The following KIF2A variants were observed in gnomAD, a reference collection of about 807,000 sequenced individuals.
KIF2A encodes kinesin-like protein KIF2A.
Under a neutral mutation model 100.2 loss-of-function variants are expected in KIF2A, and 22 were observed. The observed-to-expected ratio is 0.22, with a 90% CI of 0.16 to 0.31. The LOEUF is 0.31. Among genes scored for constraint, KIF2A ranks in the 10% least tolerant of loss-of-function variants. The pLI, the probability that KIF2A is intolerant of heterozygous loss-of-function variation, is 1.00. For missense variants in KIF2A, 495 were observed against 898.7 expected, an observed-to-expected ratio of 0.55 and a Z score of 5.74; for synonymous variants, 268 against 285.9, an observed-to-expected ratio of 0.94 and a Z score of 0.63.
rs533233580 is a variant in KIF2A at position 62,389,418 on chromosome 5, G to A, written c.*3849G>A. ...GGAGATTTGCCTGAACCCAGGAGGCGGAGGTTGCAGTGAGCTGAGATTGTG... is the reference window on the plus strand; with the variant it reads ...GGAGATTTGCCTGAACCCAGGAGGCAGAGGTTGCAGTGAGCTGAGATTGTG... On this transcript the variant is annotated 3_prime_UTR_variant, in exon 21 of 21. Transcript: ENST00000407818. Among the ~76,000 whole-genome samples the A allele has an allele frequency of 2.5e-4, 37 of 146,296 alleles. 1 individual carries two copies. The highest frequency in any genetic ancestry group is 3.6e-3 in the Middle Eastern group (1 of 278).
At chr5:62,350,002 C>G (rs1747769329) in intron 3 of KIF2A, 64 bp from the exon 4 acceptor site, 1 of 1,042,072 alleles carries the variant, frequency 9.6e-7, no homozygotes, top group Admixed American at 2.9e-5. Flanking sequence ...GAAAGAAGCT[C>G]AGATCATGAT....
In KIF2A at chr5:62,385,408, G is replaced by T. The variant is rs1198891864; in HGVS notation, c.2150-76G>T. Reference sequence around the variant, plus strand: ...TGTTAGGAAATAACACAGCTGACTTGATTGAACCCATAAAGTTGTAAACTC... The same window carrying T: ...TGTTAGGAAATAACACAGCTGACTTTATTGAACCCATAAAGTTGTAAACTC... On this transcript the variant is annotated intron_variant, in intron 20 of 20. Transcript: ENST00000407818. 5 of 980,308 alleles carry T rather than the reference G, an allele frequency of 5.1e-6. No homozygotes were observed. In the East Asian group the frequency reaches 1.1e-4, roughly 21 times the overall value. 60.7% of individuals were successfully genotyped at this position (980,308 alleles called of 1,614,324 possible).
chr5:62,373,864 A>T (rs1379733639), intron 18 of KIF2A, 27 bp downstream of exon 18: 1 of 1,549,890 alleles, frequency 6.5e-7, no homozygotes, highest in Non-Finnish European at 8.9e-7. Flanking sequence ...TGTAAATGTT[A>T]TAATCTTAGT....
intron 3 of KIF2A, among the ~76,000 whole-genome samples, chr5:62,349,109 A>ATTTTT (rs957690891): frequency 2.6e-5 from 4 of 152,066 alleles, no homozygotes; most frequent in Non-Finnish European, 4.4e-5. Context: ...TACATGGATT[A>ATTTTT]TTTTTTATAT....
At chr5:62,353,936 C>T (rs575603591) in intron 6 of KIF2A, among the ~76,000 whole-genome samples, 1 of 149,368 alleles carries the variant, frequency 6.7e-6, no homozygotes, top group South Asian at 2.1e-4. Context: ...TACTCTTCTA[C>T]AGGTCTTTAC....
intron 16 of KIF2A, among the ~76,000 whole-genome samples, chr5:62,366,695 G>A (rs1741085230): frequency 6.6e-6 from 1 of 152,076 alleles, no homozygotes; most frequent in East Asian, 1.9e-4. Flanking sequence ...GCCAGGCATG[G>A]TGGTGGGTGC....
chr5:62,347,356 G>T, intron 2 of KIF2A, 132 bp downstream of exon 2: 1 of 580,568 alleles, frequency 1.7e-6, no homozygotes, highest in Admixed American at 3.3e-5. Context: ...ACTTTCAAAT[G>T]ATTAAAAATT....
Position 62,373,783 on chromosome 5 carries a change from G to T in KIF2A, c.1857G>T (p.Trp619Cys). ...AGATTGATGACTTAGAGACACAGTG[G>T]GGTGTGGGGAGTTCCCCTCAGAGAG... Reference protein sequence around the residue: ...PNQIDDLETQWGVGSSPQRDD... With the variant: ...PNQIDDLETQCGVGSSPQRDD... The change falls in exon 18 of 21, where the codon TGG becomes TGT. Residue 619 changes from tryptophan to cysteine, a missense_variant. Physicochemically the swap from Trp to Cys is radical, Grantham distance 215 (BLOSUM62 -2). Transcript: ENST00000407818. 2 of 1,612,646 alleles carry T rather than the reference G, an allele frequency of 1.2e-6. No individual in the cohort carries two copies. Among genetic ancestry groups the T allele is most frequent in the Non-Finnish European group, 1.7e-6 (2 of 1,178,676 alleles).
chr5:62,343,335 G>A (rs1381209356), intron 1 of KIF2A, among the ~76,000 whole-genome samples: 1 of 152,056 alleles, frequency 6.6e-6, no homozygotes, highest in Non-Finnish European at 1.5e-5. Context: ...ATTAGTAAAA[G>A]GCACCACTAT....
chr5:62,310,850 G>A (rs778602857), intron 1 of KIF2A, among the ~76,000 whole-genome samples: 2 of 151,748 alleles, frequency 1.3e-5, no homozygotes, highest in African/African-American at 4.8e-5. Context: ...TCTTTCTGTC[G>A]TGTAGCTAGT....
chr5:62,375,483 A>G (rs920986175), intron 18 of KIF2A, among the ~76,000 whole-genome samples: 4 of 152,220 alleles, frequency 2.6e-5, no homozygotes, highest in Non-Finnish European at 1.5e-5. Flanking sequence ...AAGATTTTAC[A>G]AGTAGTAAGT....
chr5:62,354,433 A>G (rs567068421), intron 6 of KIF2A, among the ~76,000 whole-genome samples: 4 of 152,276 alleles, frequency 2.6e-5, no homozygotes, highest in Non-Finnish European at 5.9e-5. Context: ...TGATGTATAA[A>G]AAAATGTGAC....
Position 62,366,460 on chromosome 5 carries a change from A to G in KIF2A, c.1625A>G (p.Asn542Ser). 1 of 1,574,614 alleles carries G rather than the reference A, an allele frequency of 6.4e-7. No individual in the cohort carries two copies. Among genetic ancestry groups the G allele is most frequent in the Non-Finnish European group, 8.7e-7 (1 of 1,153,612 alleles). Residue 542 changes from asparagine to serine, a missense_variant, in exon 16 of 21, where the codon AAT (asparagine) becomes AGT (serine). Physicochemically the swap from Asn to Ser is conservative, Grantham distance 46. This residue lies in a region of KIF2A where 100 missense variants were observed against 138.2 expected (regional missense o/e 0.72). Coordinates refer to ENST00000407818, the MANE Select transcript of KIF2A (RefSeq NM_001098511.3). ...PGMASCENTL[N>S]TLRYANRVKE... The stretch of plus-strand genomic sequence containing the variant: ...ATGGCATCCTGTGAAAATACTCTTA[A>G]TACATTAAGATATGCAAATAGGTAT...
At chr5:62,310,256 G>GGCAGT (rs1745498092) in intron 1 of KIF2A, among the ~76,000 whole-genome samples, 1 of 151,834 alleles carries the variant, frequency 6.6e-6, no homozygotes, top group South Asian at 2.1e-4. Flanking sequence ...TTTTTGCCAC[G>GGCAGT]TTGGCCAGGC....
intron 20 of KIF2A, among the ~76,000 whole-genome samples, 188 bp downstream of exon 20, chr5:62,381,441 C>G (rs1407102175): frequency 6.6e-6 from 1 of 152,166 alleles, no homozygotes; most frequent in East Asian, 1.9e-4. Context: ...CATAGCATTT[C>G]AAGTTTTCTC....
At chr5:62,358,573 G>A (rs1463684958) in intron 9 of KIF2A, among the ~76,000 whole-genome samples, 1 of 152,010 alleles carries the variant, frequency 6.6e-6, no homozygotes, top group East Asian at 1.9e-4. Flanking sequence ...CATGTATATG[G>A]ATAAGAAATT....
At chr5:62,366,319 A>G in intron 15 of KIF2A, 95 bp from the exon 16 acceptor site, 1 of 722,334 alleles carries the variant, frequency 1.4e-6, no homozygotes. Flanking sequence ...TTAAATAACC[A>G]TGGTAAGATT....
At chr5:62,327,487 A>G (rs758555232) in intron 1 of KIF2A, among the ~76,000 whole-genome samples, 12 of 152,156 alleles carry the variant, frequency 7.9e-5, no homozygotes, top group Non-Finnish European at 1.2e-4. Flanking sequence ...TAAATTGACA[A>G]TCCCCAAGCT....
chr5:62,347,486 TATTTA>T (rs1747629488), intron 2 of KIF2A, among the ~76,000 whole-genome samples: 1 of 152,202 alleles, frequency 6.6e-6, no homozygotes, highest in East Asian at 1.9e-4. Context: ...TGTGCTATAA[TATTTA>T]ATTATGTGGT....
Sources: gnomAD v4.1 joint callset for allele counts (sites outside exome capture counted in the v4.1 genomes callset) on GRCh38, gnomAD v4.1.1 for gene constraint, gnomAD v4.1.1 regional missense constraint, MANE v1.5 for transcripts, NCBI Gene and HGNC (gene_info 2026-07-23, HGNC 2026-07-21) for gene names.